MBOAT2: variants seen among roughly 807,000 people sequenced by gnomAD.
MBOAT2 encodes the protein membrane bound glycerophospholipid O-acyltransferase 2.
MBOAT2 carries 28 observed loss-of-function variants against 63.4 expected under a neutral mutation model. The observed-to-expected ratio is 0.44, with a 90% CI of 0.33 to 0.61. The LOEUF (loss-of-function observed/expected upper bound fraction) is 0.61. Ranked by LOEUF, MBOAT2 falls within the 20% of genes least tolerant of loss-of-function variation. MBOAT2 has a pLI of 0.03. For missense variants in MBOAT2, 470 were observed against 605.8 expected (o/e 0.78, Z 2.35); for synonymous variants, 211 against 215.6 (o/e 0.98, Z 0.19).
At chr2:8,909,097 G>A (rs1380503126) in intron 3 of MBOAT2, among the ~76,000 whole-genome samples, 2 of 152,040 alleles carry the variant, frequency 1.3e-5, no homozygotes, top group Non-Finnish European at 2.9e-5. Context: ...ATTCTTAATA[G>A]AATTTTGAAA....
intron 8 of MBOAT2, among the ~76,000 whole-genome samples, chr2:8,872,732 GTC>G (rs1444897951): frequency 2.8e-4 from 43 of 152,196 alleles, no homozygotes; most frequent in African/African-American, 1.0e-3. Context: ...ATGGCTAATG[GTC>G]TATTTAACAG....
intron 10 of MBOAT2, among the ~76,000 whole-genome samples, chr2:8,863,487 T>C (rs1661636350): frequency 1.3e-5 from 2 of 152,158 alleles, no homozygotes; most frequent in Non-Finnish European, 2.9e-5. Context: ...TCGCACCTGT[T>C]ACTCCACCCA....
chr2:9,000,023 C>T (rs1672576838), intron 1 of MBOAT2, among the ~76,000 whole-genome samples: 1 of 152,218 alleles, frequency 6.6e-6, no homozygotes, highest in African/African-American at 2.4e-5. Flanking sequence ...CTACCTTGCC[C>T]TGCAAGGTGC....
intron 1 of MBOAT2, among the ~76,000 whole-genome samples, chr2:8,991,012 A>G (rs1298577886): frequency 6.6e-6 from 1 of 152,124 alleles, no homozygotes; most frequent in Non-Finnish European, 1.5e-5. Context: ...CTACTTGCAA[A>G]CCAAAAATCT....
chr2:8,888,186 T>A, intron 4 of MBOAT2, 113 bp from the exon 5 acceptor site: 2 of 1,030,264 alleles, frequency 1.9e-6, no homozygotes, highest in Non-Finnish European at 2.9e-6. Context: ...CTGAAATTTT[T>A]AACATAAAAA....
At chr2:8,908,097 T>C (rs1665460007) in intron 4 of MBOAT2, 1 of 152,232 alleles carries the variant, frequency 6.6e-6, no homozygotes, top group Admixed American at 6.5e-5. Flanking sequence ...TACCAAAGTG[T>C]TAGCAGATGT....
intron 6 of MBOAT2, among the ~76,000 whole-genome samples, chr2:8,877,952 C>T (rs1662819702): frequency 6.6e-6 from 1 of 152,202 alleles, no homozygotes; most frequent in Admixed American, 6.5e-5. Context: ...GCTTGCCTTA[C>T]AAGCCATGGC....
intron 1 of MBOAT2, among the ~76,000 whole-genome samples, chr2:8,998,135 G>A (rs1393534057): frequency 6.6e-6 from 1 of 152,186 alleles, no homozygotes; most frequent in African/African-American, 2.4e-5. Context: ...CACACATAGA[G>A]GAGGAAACTC....
intron 3 of MBOAT2, among the ~76,000 whole-genome samples, chr2:8,928,138 A>G (rs1006472382): frequency 6.6e-6 from 1 of 152,148 alleles, no homozygotes; most frequent in South Asian, 2.1e-4. Flanking sequence ...TAAACCATTC[A>G]TGAGAACCTG....
intron 4 of MBOAT2, among the ~76,000 whole-genome samples, chr2:8,889,603 T>A (rs779039707): frequency 1.3e-5 from 2 of 152,208 alleles, no homozygotes; most frequent in African/African-American, 2.4e-5. Context: ...AAATGCCCTA[T>A]AATTTCCATT....
chr2:8,954,738 G>A (rs1202690635), intron 2 of MBOAT2, among the ~76,000 whole-genome samples: 2 of 152,196 alleles, frequency 1.3e-5, no homozygotes, highest in African/African-American at 4.8e-5. Flanking sequence ...CTGAATGCCT[G>A]TAGATTTGCC....
intron 1 of MBOAT2, among the ~76,000 whole-genome samples, chr2:8,969,834 T>A (rs954335808): frequency 6.6e-6 from 1 of 152,184 alleles, no homozygotes; most frequent in Admixed American, 6.5e-5. Context: ...CCTAAATATA[T>A]ATGCACCCAA....
In MBOAT2 at chr2:8,882,506, C is replaced by G; in HGVS notation, c.506+5G>C. On this transcript the variant is annotated splice_donor_5th_base_variant and intron_variant, in intron 6 of 12. Coordinates refer to ENST00000305997, the MANE Select transcript of MBOAT2 (RefSeq NM_138799.4). ...CATGGCAGAATAGGATGCAAAGGCA[C>G]GTACCTTACAGCTAAATCCCTCTGT... The G allele has an allele frequency of 6.2e-7, 1 of 1,614,146 alleles. No individual in the cohort carries two copies. The highest frequency in any genetic ancestry group is 8.5e-7 in the Non-Finnish European group (1 of 1,179,960).
chr2:8,928,682 TAGTG>T (rs978846995), intron 3 of MBOAT2, among the ~76,000 whole-genome samples: 9 of 151,776 alleles, frequency 5.9e-5, no homozygotes, highest in Non-Finnish European at 7.4e-5. Context: ...AAAAAAAAAT[TAGTG>T]AGAAGAGTGG....
At chr2:8,941,536 A>T (rs1668049438) in intron 3 of MBOAT2, among the ~76,000 whole-genome samples, 2 of 151,704 alleles carry the variant, frequency 1.3e-5, no homozygotes, top group African/African-American at 4.8e-5. Context: ...TGGTGGTGGG[A>T]GCCTGTAATC....
chr2:8,957,194 G>A (rs547563623), intron 2 of MBOAT2, among the ~76,000 whole-genome samples: 63 of 152,216 alleles, frequency 4.1e-4, no homozygotes, highest in Admixed American at 9.8e-4. Flanking sequence ...TCACTATATT[G>A]TTCTTTGTAC....
rs1381555077 is a variant in MBOAT2 at position 8,857,003 on chromosome 2, T to G, written c.*1676A>C. 1 of 152,606 alleles carries G rather than the reference T, an allele frequency of 6.6e-6. No individual in the cohort carries two copies. The highest frequency in any genetic ancestry group is 2.4e-5 in the African/African-American group (1 of 41,450). The allele number at this position is 152,606 out of a possible 1,614,324, so 9.5% of individuals were successfully genotyped here. A position where few individuals can be genotyped will look rare whatever the true frequency, so the allele number is the denominator to read the frequency against. ...ATTTCTAAACTTCAAAAAAGACACA[T>G]GCCCATTTTTGCTGAGACCTCAAAA... On this transcript the variant is annotated 3_prime_UTR_variant, in exon 13 of 13. Coordinates refer to ENST00000305997, the MANE Select transcript of MBOAT2 (RefSeq NM_138799.4).
chr2:8,998,806 A>G (rs1672486599), intron 1 of MBOAT2, among the ~76,000 whole-genome samples: 1 of 152,068 alleles, frequency 6.6e-6, no homozygotes, highest in South Asian at 2.1e-4. Context: ...CAAAAATATG[A>G]TCTAAAACAA....
intron 3 of MBOAT2, among the ~76,000 whole-genome samples, chr2:8,938,531 C>T (rs1667821368): frequency 1.3e-5 from 2 of 151,746 alleles, no homozygotes; most frequent in Admixed American, 1.3e-4. Flanking sequence ...ACGTTTCATG[C>T]CGCCACGTTT....
Sources: gnomAD v4.1 joint callset for allele counts (sites outside exome capture counted in the v4.1 genomes callset) on GRCh38, gnomAD v4.1.1 for gene constraint, MANE v1.5 for transcripts, NCBI Gene and HGNC (gene_info 2026-07-23, HGNC 2026-07-21) for gene names.